The following ENOX1 variants were observed in gnomAD, a reference collection of about 807,000 sequenced individuals.
The protein encoded by ENOX1 is candidate growth-related and time keeping constitutive hydroquinone (NADH) oxidase.
A neutral mutation model predicts 82.5 loss-of-function variants in ENOX1; 42 were observed. That is an observed-to-expected ratio of 0.51 (90% CI 0.40 to 0.66). ENOX1 has a LOEUF of 0.66. Among genes scored for constraint, ENOX1 ranks in the 30% least tolerant of loss-of-function variants. The pLI, the probability that ENOX1 is intolerant of heterozygous loss-of-function variation, is 0.00. For synonymous variants in ENOX1, 271 were observed against 282.2 expected (o/e 0.96, Z 0.40); for missense variants, 608 against 811.6 (o/e 0.75, Z 3.05).
At chr13:43,583,505 T>C (rs2153720981) in intron 2 of ENOX1, among the ~76,000 whole-genome samples, 1 of 152,332 alleles carries the variant, frequency 6.6e-6, no homozygotes, top group Non-Finnish European at 1.5e-5. Flanking sequence ...ACTTATGCTA[T>C]TTCCTATCCC....
intron 5 of ENOX1, among the ~76,000 whole-genome samples, chr13:43,409,359 A>T (rs960518580): frequency 6.6e-6 from 1 of 152,154 alleles, no homozygotes; most frequent in African/African-American, 2.4e-5. Flanking sequence ...ACAGCTAAAA[A>T]GCCCCATGCA....
At chr13:43,626,536 G>A (rs1205989373) in intron 2 of ENOX1, among the ~76,000 whole-genome samples, 1 of 151,474 alleles carries the variant, frequency 6.6e-6, no homozygotes, top group Non-Finnish European at 1.5e-5. Flanking sequence ...ATATTTTTAT[G>A]TCCCCGATAC....
intron 2 of ENOX1, among the ~76,000 whole-genome samples, chr13:43,664,662 TGA>T (rs1016403100): frequency 1.3e-5 from 2 of 152,136 alleles, no homozygotes; most frequent in African/African-American, 4.8e-5. Flanking sequence ...AGAGTTCATG[TGA>T]AAAGTTATGG....
chr13:43,353,874 A>T (rs747982599), intron 8 of ENOX1, among the ~76,000 whole-genome samples: 2 of 152,250 alleles, frequency 1.3e-5, no homozygotes, highest in Non-Finnish European at 2.9e-5. Context: ...TTGAAATGGC[A>T]AGGCTTGCAA....
Position 43,304,767 on chromosome 13 carries a change from C to T in ENOX1, c.1262-6237G>A, listed in dbSNP as rs868195145. ...GTCCCTCTCCTCTCAAACGGCCACA[C>T]TGATACCCACTAATCCCAGAGCTCA... On this transcript the variant is annotated intron_variant, in intron 11 of 16. Coordinates refer to ENST00000690772, the MANE Select transcript of ENOX1 (RefSeq NM_001347969.2). Among the ~76,000 whole-genome samples, 105 of 152,184 alleles carry T rather than the reference C, an allele frequency of 6.9e-4. 2 individuals carry two copies. The highest frequency in any genetic ancestry group is 1.0e-3 in the South Asian group (5 of 4,822).
chr13:43,370,302 G>A (rs1222939461), intron 5 of ENOX1, among the ~76,000 whole-genome samples: 1 of 152,152 alleles, frequency 6.6e-6, no homozygotes, highest in East Asian at 1.9e-4. Context: ...GGGAGGCGGA[G>A]CTTGTAGTGA....
At chr13:43,564,672 T>C (rs1205880390) in intron 2 of ENOX1, among the ~76,000 whole-genome samples, 1 of 152,192 alleles carries the variant, frequency 6.6e-6, no homozygotes, top group African/African-American at 2.4e-5. Flanking sequence ...TTTATTTAAA[T>C]GAAAATGTTT....
At chr13:43,280,337 G>A (rs747984039) in intron 12 of ENOX1, among the ~76,000 whole-genome samples, 8 of 152,188 alleles carry the variant, frequency 5.3e-5, no homozygotes, top group Non-Finnish European at 8.8e-5. Context: ...CTCTTTGGAG[G>A]TACCTTTTGC....
intron 1 of ENOX1, among the ~76,000 whole-genome samples, chr13:43,692,599 T>A (rs556308087): frequency 1.3e-5 from 2 of 152,258 alleles, no homozygotes; most frequent in South Asian, 4.1e-4. Context: ...TATAAAGAAC[T>A]CTTTTGAACC....
intron 2 of ENOX1, among the ~76,000 whole-genome samples, chr13:43,591,999 G>C (rs183342397): frequency 3.0e-4 from 45 of 151,884 alleles, no homozygotes; most frequent in Non-Finnish European, 6.2e-4. Context: ...GTGACTGGAG[G>C]GCCAGCCTGT....
chr13:43,492,254 T>C (rs554659155), intron 2 of ENOX1, among the ~76,000 whole-genome samples: 9 of 152,318 alleles, frequency 5.9e-5, no homozygotes, highest in African/African-American at 1.9e-4. Flanking sequence ...TCTGCCCCAG[T>C]TGAGCAGAGA....
chr13:43,521,345 A>C (rs1342201618), intron 2 of ENOX1, among the ~76,000 whole-genome samples: 3 of 152,154 alleles, frequency 2.0e-5, no homozygotes, highest in Admixed American at 6.5e-5. Flanking sequence ...GATGACACAT[A>C]TTGTGCAGGG....
rs79815150 is a variant in ENOX1 at position 43,535,997 on chromosome 13, C to T, written c.-218-51845G>A. Among the ~76,000 whole-genome samples the T allele has an allele frequency of 2.3e-3, 348 of 152,238 alleles. 2 individuals are homozygous for T. Among genetic ancestry groups the T allele is most frequent in the South Asian group, 0.02 (95 of 4,812 alleles). Reference sequence around the variant, plus strand: ...GGAAGTATATGCCTTAGGAGAATATCCTTTAAGCTGTGCAGTTCAGAAATG... The same window carrying T: ...GGAAGTATATGCCTTAGGAGAATATTCTTTAAGCTGTGCAGTTCAGAAATG... On this transcript the variant is annotated intron_variant, in intron 2 of 16. Coordinates refer to ENST00000690772, the MANE Select transcript of ENOX1 (RefSeq NM_001347969.2).
chr13:43,357,224 A>G (rs2050212994), intron 7 of ENOX1, among the ~76,000 whole-genome samples: 1 of 152,162 alleles, frequency 6.6e-6, no homozygotes. Context: ...CAAATGAGAT[A>G]CAACTGTAAA....
At chr13:43,742,139 G>A in intron 1 of ENOX1, among the ~76,000 whole-genome samples, 1 of 152,110 alleles carries the variant, frequency 6.6e-6, no homozygotes, top group East Asian at 1.9e-4. Flanking sequence ...CATAAATCAT[G>A]TATATTAGGG....
At chr13:43,460,830 AT>A (rs149195656) in intron 3 of ENOX1, among the ~76,000 whole-genome samples, 377 of 20,148 alleles carry the variant, frequency 0.019, 54 homozygotes, top group African/African-American at 0.028. Context: ...AAAAAAAAAA[AT>A]AGGGATAGCT....
At chr13:43,659,232 T>C (rs1165579988) in intron 2 of ENOX1, among the ~76,000 whole-genome samples, 4 of 152,174 alleles carry the variant, frequency 2.6e-5, no homozygotes, top group Non-Finnish European at 2.9e-5. Flanking sequence ...CTCACACCTA[T>C]AATCCCAGCA....
chr13:43,337,752 T>TAC (rs953841746), intron 9 of ENOX1, among the ~76,000 whole-genome samples: 18 of 151,478 alleles, frequency 1.2e-4, no homozygotes, highest in African/African-American at 2.9e-4. Context: ...CACACACACA[T>TAC]ACACACACAC....
intron 3 of ENOX1, among the ~76,000 whole-genome samples, chr13:43,420,858 A>G (rs1274656385): frequency 6.6e-6 from 1 of 152,224 alleles, no homozygotes; most frequent in African/African-American, 2.4e-5. Flanking sequence ...ATGGGATTAT[A>G]TAACATCCTA....
Sources: gnomAD v4.1 joint callset for allele counts (sites outside exome capture counted in the v4.1 genomes callset) on GRCh38, gnomAD v4.1.1 for gene constraint, MANE v1.5 for transcripts, NCBI Gene and HGNC (gene_info 2026-07-23, HGNC 2026-07-21) for gene names.